Variants in ENTR1 observed in about 807,000 individuals in gnomAD.
The protein encoded by ENTR1 is endosome-associated-trafficking regulator 1.
In ENTR1, 47 loss-of-function variants were observed where a neutral mutation model predicts 47.9. The observed-to-expected ratio is 0.98, with a 90% CI of 0.78 to 1.25. ENTR1 has a LOEUF of 1.25. ENTR1 is among the 50% of genes most tolerant of loss of function. ENTR1 has a pLI of 0.00. For missense variants in ENTR1, 668 were observed against 570.5 expected, an observed-to-expected ratio of 1.17 and a Z score of -1.74; for synonymous variants, 290 against 245.8, an observed-to-expected ratio of 1.18 and a Z score of -1.68.
intron 5 of ENTR1, among the ~76,000 whole-genome samples, chr9:136,406,255 G>A (rs1834758856): frequency 6.6e-6 from 1 of 151,970 alleles, no homozygotes; most frequent in African/African-American, 2.4e-5. Context: ...GGATCACAAG[G>A]TCAGGAGTTT....
chr9:136,408,702 T>C (rs1445379296), intron 3 of ENTR1, among the ~76,000 whole-genome samples: 3 of 152,092 alleles, frequency 2.0e-5, no homozygotes, highest in African/African-American at 7.2e-5. Flanking sequence ...CTTCTCCCTC[T>C]TGCCACCGCC....
Position 136,402,801 on chromosome 9 carries a change from T to A in ENTR1, c.1295A>T (p.Glu432Val), listed in dbSNP as rs549144612. 1 of 1,612,672 alleles carries A rather than the reference T, an allele frequency of 6.2e-7. No individual in the cohort carries two copies. Among genetic ancestry groups the A allele is most frequent in the African/African-American group, 1.3e-5 (1 of 74,968 alleles). Reference protein sequence around the residue: ...IDRISEVKDEEEDS With the variant: ...IDRISEVKDEVEDS ...ACCCAGGGGTCCTCAAGAGTCTTCC[T>A]CCTCGTCTTTAACTTCAGAAATTCT... The change falls in exon 10 of 10, where the codon GAG becomes GTG. Residue 432 changes from glutamate to valine, a missense_variant. Physicochemically the swap from Glu to Val is moderately radical, Grantham distance 121. Coordinates refer to ENST00000357365, the MANE Select transcript of ENTR1 (RefSeq NM_001039707.2).
intron 4 of ENTR1, 55 bp downstream of exon 4, chr9:136,407,771 G>C: frequency 2.7e-6 from 4 of 1,456,056 alleles, no homozygotes. Flanking sequence ...GGAGGCTGCA[G>C]AGGCCGGAAC....
rs371985326 is a variant in ENTR1, at chr9:136,407,166, C to T, written c.798G>A (p.Thr266=). Residue 266 remains threonine (T), a synonymous_variant, in exon 5 of 10, where the codon ACG becomes ACA. Transcript: ENST00000357365. The stretch of plus-strand genomic sequence containing the variant: ...TTACTGCGTCGTAACTTATCTGCAG[C>T]GTCCGCAGGTGCCTGTCTCCCAGAG... ...GESLGDRHLR[T]LQISYDALKD... 1.9e-5 allele frequency: 31 copies of T among 1,601,018 alleles called. No homozygotes were observed. Among genetic ancestry groups the T allele is most frequent in the African/African-American group, 1.2e-4 (9 of 74,622 alleles).
Position 136,410,362 on chromosome 9 carries a change from C to A in ENTR1, c.36G>T (p.Pro12=), listed in dbSNP as rs777841420. The change falls in exon 1 of 10, where the codon CCG becomes CCT. Residue 12 remains proline, a synonymous_variant. Coordinates refer to ENST00000357365, the MANE Select transcript of ENTR1 (RefSeq NM_001039707.2). ...SGYQRRPGAT[P]LSRARSLAIP... is the part of the protein sequence containing the mutation. Reference sequence around the variant, plus strand: ...TGGCGAGGCTCCGGGCTCGGGACAGCGGGGTGGCGCCCGGGCGGCGCTGGT... The same window carrying A: ...TGGCGAGGCTCCGGGCTCGGGACAGAGGGGTGGCGCCCGGGCGGCGCTGGT... 174 of 1,483,066 alleles carry A rather than the reference C, an allele frequency of 1.2e-4. No homozygotes were observed. The highest frequency in any genetic ancestry group is 1.5e-4 in the Non-Finnish European group (165 of 1,122,784). 91.9% of individuals were successfully genotyped at this position (1,483,066 alleles called of 1,614,324 possible). A position where few individuals can be genotyped will look rare whatever the true frequency, so the allele number is the denominator to read the frequency against.
rs200086968 is a variant in ENTR1 at position 136,402,607 on chromosome 9, GC to G, written c.*180del. The G allele has an allele frequency of 0.017, 8,046 of 487,422 alleles. 80 individuals are homozygous for G. The highest frequency in any genetic ancestry group is 0.021 in the Non-Finnish European group (5,648 of 275,438). 30.2% of individuals were successfully genotyped at this position (487,422 alleles called of 1,614,324 possible). On this transcript the variant is annotated 3_prime_UTR_variant, in exon 10 of 10. Transcript: ENST00000357365. ...GCATAGAAACCACAGAGACAACTCG[GC>G]CAGGGCTGCTCCCATTGTGGTGGCC...
At chr9:136,409,785 G>A in intron 2 of ENTR1, 2 of 490,102 alleles carry the variant, frequency 4.1e-6, no homozygotes, top group Non-Finnish European at 7.8e-6. Context: ...CTCCAGCTCG[G>A]TTTCCAATCA....
rs1588800879 is a variant in ENTR1 at position 136,410,160 on chromosome 9, G to A, written c.150C>T (p.Pro50=). 4 of 1,612,260 alleles carry A rather than the reference G, an allele frequency of 2.5e-6. No individual in the cohort carries two copies. Among genetic ancestry groups the A allele is most frequent in the East Asian group, 2.2e-5 (1 of 44,826 alleles). Reference sequence around the variant, plus strand: ...TAAAGGCCGGCCGAATGCCGAAGAAGGGGGAGTCCAGGTCCCTGCCATGGG... The same window carrying A: ...TAAAGGCCGGCCGAATGCCGAAGAAAGGGGAGTCCAGGTCCCTGCCATGGG... ...ERPHGRDLDS[P]FFGIRPAFMC... The change falls in exon 2 of 10, where the codon CCC becomes CCT. Residue 50 remains proline (P), a synonymous_variant. Coordinates refer to ENST00000357365, the MANE Select transcript of ENTR1 (RefSeq NM_001039707.2).
intron 7 of ENTR1, 181 bp downstream of exon 7, chr9:136,404,909 TG>T (rs1834689765): frequency 4.5e-6 from 3 of 666,450 alleles, no homozygotes; most frequent in Non-Finnish European, 5.2e-6. Flanking sequence ...TCCCCACGGA[TG>T]CCCTCGTGGG....
Position 136,402,814 on chromosome 9 carries a change from C to A in ENTR1, c.1282G>T (p.Val428Phe). Reference protein sequence around the residue: ...ILKSIDRISEVKDEEEDS With the variant: ...ILKSIDRISEFKDEEEDS The stretch of plus-strand genomic sequence containing the variant: ...CAAGAGTCTTCCTCCTCGTCTTTAA[C>A]TTCAGAAATTCTGTCTATAGATTTA... The change falls in exon 10 of 10, where the codon GTT becomes TTT. Residue 428 changes from valine to phenylalanine, a missense_variant. Val to Phe is a conservative substitution (Grantham distance 50). Transcript: ENST00000357365. 1 of 1,613,034 alleles carries A rather than the reference C, an allele frequency of 6.2e-7. No individual in the cohort carries two copies. The highest frequency in any genetic ancestry group is 8.5e-7 in the Non-Finnish European group (1 of 1,179,748).
In ENTR1 at chr9:136,405,217, A is replaced by AC. The variant is rs756435754; in HGVS notation, c.894-16dup. The AC allele has an allele frequency of 1.2e-6, 2 of 1,601,000 alleles. No individual in the cohort carries two copies. Among genetic ancestry groups the AC allele is most frequent in the Admixed American group, 3.3e-5 (2 of 59,932 alleles). On this transcript the variant is annotated splice_polypyrimidine_tract_variant and intron_variant, in intron 6 of 9. Coordinates refer to ENST00000357365, the MANE Select transcript of ENTR1 (RefSeq NM_001039707.2). ...GCGTCCTCACCCTTGTTAAAGAAAA[A>AC]CCCGAGTTGTTAATTTCTGTGGCTA... is the stretch of plus-strand genomic sequence containing the variant.
In ENTR1 at chr9:136,405,437, A is replaced by C. The variant is rs561644054; in HGVS notation, c.894-235T>G. The C allele has an allele frequency of 1.4e-5, 7 of 509,090 alleles. No homozygotes were observed. The East Asian group carries it at 2.5e-4, about 18-fold the overall frequency. 31.5% of individuals were successfully genotyped at this position (509,090 alleles called of 1,614,324 possible). A position where few individuals can be genotyped will look rare whatever the true frequency, so the allele number is the denominator to read the frequency against. On this transcript the variant is annotated intron_variant, in intron 6 of 9. Transcript: ENST00000357365. ...CAAGGTGTTTGGTGGCTTTTTGCCT[A>C]AAGTTTAAAATAAACCTTGGCCAGG...
intron 2 of ENTR1, among the ~76,000 whole-genome samples, chr9:136,409,358 T>A (rs1455259875): frequency 6.6e-6 from 1 of 152,172 alleles, no homozygotes; most frequent in Non-Finnish European, 1.5e-5. Flanking sequence ...TTTTTTTGTA[T>A]TTTTTGTAGA....
intron 2 of ENTR1, chr9:136,409,816 C>A (rs1014120242): frequency 1.6e-5 from 9 of 579,300 alleles, no homozygotes; most frequent in Non-Finnish European, 2.6e-5. Context: ...GGTGAAGGCA[C>A]CCCGACTCCA....
At chr9:136,408,029 A>G in intron 3 of ENTR1, 91 bp from the exon 4 acceptor site, 1 of 813,876 alleles carries the variant, frequency 1.2e-6, no homozygotes, top group Middle Eastern at 2.2e-4. Flanking sequence ...GAGCATGGCC[A>G]CATGTGAGAT....
chr9:136,408,887 C>CG, intron 3 of ENTR1, 112 bp downstream of exon 3: 1 of 756,896 alleles, frequency 1.3e-6, no homozygotes, highest in Non-Finnish European at 2.3e-6. Flanking sequence ...CCCACCTGCT[C>CG]TTTTGGGCTC....
At chr9:136,405,054 C>G (rs1330553495) in intron 7 of ENTR1, 37 bp downstream of exon 7, 2 of 1,540,068 alleles carry the variant, frequency 1.3e-6, no homozygotes, top group Non-Finnish European at 1.8e-6. Flanking sequence ...CGCTCCTGCC[C>G]CACCCAGCTC....
Position 136,410,157 on chromosome 9 carries a change from G to T in ENTR1, c.153C>A (p.Phe51Leu), listed in dbSNP as rs376067508. 1.6e-5 allele frequency: 26 copies of T among 1,612,480 alleles called. No homozygotes were observed. The highest frequency in any genetic ancestry group is 2.2e-5 in the Non-Finnish European group (26 of 1,179,838). Residue 51 changes from phenylalanine (F) to leucine (L), a missense_variant, in exon 2 of 10, where the codon TTC (phenylalanine) becomes TTA (leucine). Transcript: ENST00000357365. ...ACATAAAGGCCGGCCGAATGCCGAA[G>T]AAGGGGGAGTCCAGGTCCCTGCCAT... is the stretch of plus-strand genomic sequence containing the variant. ...RPHGRDLDSP[F>L]FGIRPAFMCY...
chr9:136,410,357 G>A lies in ENTR1; in HGVS notation c.41C>T (p.Ser14Phe). 1 of 1,505,642 alleles carries A rather than the reference G, an allele frequency of 6.6e-7. No individual in the cohort carries two copies. The highest frequency in any genetic ancestry group is 1.3e-5 in the South Asian group (1 of 79,378). 93.3% of individuals were successfully genotyped at this position (1,505,642 alleles called of 1,614,324 possible). ...GGGAATGGCGAGGCTCCGGGCTCGG[G>A]ACAGCGGGGTGGCGCCCGGGCGGCG... is the stretch of plus-strand genomic sequence containing the variant. ...YQRRPGATPL[S>F]RARSLAIPDA... Residue 14 changes from serine (S) to phenylalanine (F), a missense_variant, in exon 1 of 10, where the codon TCC becomes TTC. Transcript: ENST00000357365.
Sources: gnomAD v4.1 joint callset for allele counts (sites outside exome capture counted in the v4.1 genomes callset) on GRCh38, gnomAD v4.1.1 for gene constraint, MANE v1.5 for transcripts, NCBI Gene and HGNC (gene_info 2026-07-23, HGNC 2026-07-21) for gene names.